The following JMJD1C variants were observed in gnomAD, a reference collection of about 807,000 sequenced individuals.
The protein encoded by JMJD1C is jumonji domain-containing protein 1C.
Under a neutral mutation model 245.3 loss-of-function variants are expected in JMJD1C, and 31 were observed. The observed-to-expected ratio is 0.13, with a 90% confidence interval of 0.09 to 0.17. The LOEUF (loss-of-function observed/expected upper bound fraction) is 0.17, where lower values mean the gene tolerates loss of function less well. Among genes scored for constraint, JMJD1C ranks in the 10% least tolerant of loss-of-function variants. The pLI is 1.00. For missense variants in JMJD1C, 2,691 were observed against 3,000.2 expected, an observed-to-expected ratio of 0.90 and a Z score of 2.41; for synonymous variants, 1,057 against 1,017.4, an observed-to-expected ratio of 1.04 and a Z score of -0.74.
intron 1 of JMJD1C, among the ~76,000 whole-genome samples, chr10:63,437,034 A>G (rs1951095090): frequency 6.6e-6 from 1 of 152,156 alleles, no homozygotes; most frequent in South Asian, 2.1e-4. Context: ...TAGGTCTATC[A>G]TTAGAGTAAT....
chr10:63,208,411 C>T lies in JMJD1C; in HGVS notation c.3258G>A (p.Gln1086=), dbSNP rs1169963305. ...TGAAATAGTTACTTTGGGGTAAACT[C>T]TGAGGCACTGAGTGCTTCATTTTAT... The part of the protein sequence containing the change: ...DLYKMKHSVP[Q]SLPQSNYFTT... Residue 1086 remains glutamine, a synonymous_variant, in exon 10 of 26, where the codon CAG becomes CAA. Transcript: ENST00000399262. The T allele has an allele frequency of 6.2e-7, 1 of 1,613,838 alleles. No homozygotes were observed. The highest frequency in any genetic ancestry group is 1.3e-5 in the African/African-American group (1 of 74,886).
intron 18 of JMJD1C, among the ~76,000 whole-genome samples, chr10:63,187,716 T>TA (rs1227597888): frequency 6.6e-6 from 1 of 152,206 alleles, no homozygotes; most frequent in African/African-American, 2.4e-5. Context: ...GTTGGGATTA[T>TA]AGGCAAGAGC....
intron 1 of JMJD1C, among the ~76,000 whole-genome samples, chr10:63,417,401 T>C (rs78166322): frequency 0.012 from 1,759 of 152,302 alleles, 27 homozygotes; most frequent in African/African-American, 0.041. Flanking sequence ...AAACTTTTAG[T>C]ATGTATATTA....
chr10:63,238,189 A>AAAAAAAAAAAAAAAAAG (rs986291984), intron 3 of JMJD1C, among the ~76,000 whole-genome samples: 17 of 135,702 alleles, frequency 1.3e-4, no homozygotes, highest in South Asian at 2.3e-4. Flanking sequence ...TCAAAAAAAA[A>AAAAAAAAAAAAAAAAAG]AAAAAAGAAA....
chr10:63,419,012 G>A (rs1420624783), intron 1 of JMJD1C, among the ~76,000 whole-genome samples: 1 of 149,076 alleles, frequency 6.7e-6, no homozygotes, highest in Non-Finnish European at 1.5e-5. Flanking sequence ...AGGAGACGGA[G>A]GTGGCAGTGA....
At position 63,350,158 on chromosome 10, in the gene JMJD1C, T is replaced by C. The variant is rs936824469; in HGVS notation, c.333+30160A>G. Among the ~76,000 whole-genome samples, 3 of 152,196 alleles carry C rather than the reference T, an allele frequency of 2.0e-5. No homozygotes were observed. The East Asian group carries it at 5.8e-4, about 29-fold the overall frequency. On this transcript the variant is annotated intron_variant, in intron 2 of 25. Coordinates refer to ENST00000399262, the MANE Select transcript of JMJD1C (RefSeq NM_032776.3). ...AAATACTTTTCTGTAACATCCTTAT[T>C]ACCTCCATTTTGCAGAAAAGGTGAC...
chr10:63,397,117 C>T (rs1948551928), intron 1 of JMJD1C, among the ~76,000 whole-genome samples: 5 of 152,032 alleles, frequency 3.3e-5, no homozygotes, highest in Admixed American at 3.3e-4. Context: ...TTGTTTTGAT[C>T]TCTTCATTCT....
intron 1 of JMJD1C, among the ~76,000 whole-genome samples, chr10:63,429,164 G>A (rs1950607982): frequency 6.6e-6 from 1 of 152,076 alleles, no homozygotes; most frequent in Admixed American, 6.6e-5. Flanking sequence ...ATTTTTAGTA[G>A]AGACAGGGTT....
chr10:63,486,278 T>C (rs1192714155), intron 1 of JMJD1C, among the ~76,000 whole-genome samples: 2 of 150,562 alleles, frequency 1.3e-5, no homozygotes, highest in African/African-American at 4.9e-5. Context: ...GCAGGGGAGA[T>C]TGGGAGACAG....
At chr10:63,457,270 A>G (rs1952474575) in intron 1 of JMJD1C, among the ~76,000 whole-genome samples, 1 of 152,206 alleles carries the variant, frequency 6.6e-6, no homozygotes, top group Non-Finnish European at 1.5e-5. Context: ...GTGGAAAAAC[A>G]TTTAAGATGA....
At chr10:63,423,185 A>G (rs1482719854) in intron 1 of JMJD1C, among the ~76,000 whole-genome samples, 1 of 152,042 alleles carries the variant, frequency 6.6e-6, no homozygotes, top group African/African-American at 2.4e-5. Flanking sequence ...GGCTGTTCTT[A>G]AACTCCTGAC....
intron 1 of JMJD1C, among the ~76,000 whole-genome samples, chr10:63,425,699 T>A (rs550326604): frequency 2.2e-4 from 33 of 152,252 alleles, no homozygotes; most frequent in African/African-American, 7.7e-4. Flanking sequence ...GGAGGACTGC[T>A]TAGGCCCAGG....
intron 2 of JMJD1C, among the ~76,000 whole-genome samples, chr10:63,358,038 A>G (rs1945012804): frequency 6.6e-6 from 1 of 152,050 alleles, no homozygotes; most frequent in Non-Finnish European, 1.5e-5. Context: ...CACCCTTCAT[A>G]TTTAAATGGC....
In JMJD1C at chr10:63,278,641, AC is replaced by A. The variant is rs551324759; in HGVS notation, c.334-13878del. Among the ~76,000 whole-genome samples the A allele has an allele frequency of 7.6e-4, 116 of 152,070 alleles. No homozygotes were observed. In the South Asian group the frequency reaches 1.0e-2, roughly 13 times the overall value. Reference sequence around the variant, plus strand: ...AGGAGGCCGAAGTCGGGAGTTCAAGACCAGCCTGACCAACATGGAGAAATCC... The same window carrying A: ...AGGAGGCCGAAGTCGGGAGTTCAAGACAGCCTGACCAACATGGAGAAATCC... On this transcript the variant is annotated intron_variant, in intron 2 of 25. Transcript: ENST00000399262.
chr10:63,403,411 AC>A, intron 1 of JMJD1C, among the ~76,000 whole-genome samples: 1 of 152,208 alleles, frequency 6.6e-6, no homozygotes, highest in East Asian at 1.9e-4. Context: ...CATAGGTAAT[AC>A]CATATAAGAG....
At chr10:63,296,699 C>T (rs1162739686) in intron 2 of JMJD1C, among the ~76,000 whole-genome samples, 1 of 152,136 alleles carries the variant, frequency 6.6e-6, no homozygotes, top group Non-Finnish European at 1.5e-5. Flanking sequence ...TTTTGGGTTA[C>T]AAATAATTTT....
Position 63,465,617 on chromosome 10 carries a change from A to G in JMJD1C, c.46T>C (p.Cys16Arg). The G allele has an allele frequency of 6.2e-7, 1 of 1,609,980 alleles. No individual in the cohort carries two copies. The highest frequency in any genetic ancestry group is 1.7e-5 in the Admixed American group (1 of 60,006). The change falls in exon 1 of 26, where the codon TGT becomes CGT. Residue 16 changes from cysteine to arginine, a missense_variant. Physicochemically the swap from Cys to Arg is radical, Grantham distance 180. Around this residue, in one of 9 missense-constraint regions of JMJD1C, gnomAD observed 135 missense variants for 115.5 expected, o/e 1.17. Coordinates refer to ENST00000399262, the MANE Select transcript of JMJD1C (RefSeq NM_032776.3). ...CGTGCCTCGTCGCCGACCGCCACAC[A>G]CAGGAACCGCTTACCCACCAGCTCT... The part of the protein sequence containing the change: ...RAELVGKRFL[C>R]VAVGDEARSE...
At chr10:63,275,775 C>A (rs1295704552) in intron 2 of JMJD1C, among the ~76,000 whole-genome samples, 3 of 152,120 alleles carry the variant, frequency 2.0e-5, no homozygotes, top group Admixed American at 1.3e-4. Flanking sequence ...ATATTCTTAT[C>A]CTTAGTGAAC....
intron 1 of JMJD1C, among the ~76,000 whole-genome samples, chr10:63,500,017 G>A (rs1005710180): frequency 1.3e-5 from 2 of 152,158 alleles, no homozygotes; most frequent in Non-Finnish European, 2.9e-5. Context: ...AGGTAGATCA[G>A]CCTTGAATTA....
Sources: allele counts gnomAD v4.1 joint callset (sites outside exome capture counted in the v4.1 genomes callset), GRCh38; gene constraint gnomAD v4.1.1; regional missense constraint gnomAD v4.1.1; transcripts MANE v1.5; gene names NCBI Gene and HGNC (gene_info 2026-07-23, HGNC 2026-07-21).